MLLT10: variants seen among roughly 807,000 people sequenced by gnomAD.
MLLT10 encodes the protein protein AF-10.
Under a neutral mutation model 129.1 loss-of-function variants are expected in MLLT10, and 30 were observed. The ratio of observed to expected loss-of-function variants is 0.23; its 90% CI spans 0.17 to 0.32. MLLT10 has a LOEUF of 0.32. Among genes scored for constraint, MLLT10 ranks in the 10% least tolerant of loss-of-function variants. The probability of loss-of-function intolerance (pLI) is 1.00; values close to 1 mark genes in which losing one functional copy is unlikely to be tolerated. For missense variants in MLLT10, 1,119 were observed against 1,268.3 expected (o/e 0.88, Z 1.79); for synonymous variants, 490 against 446.4 (o/e 1.10, Z -1.23).
Position 21,625,314 on chromosome 10 carries a change from G to T in MLLT10, c.699+8107G>T, listed in dbSNP as rs890088494. ...TCATCCATAGCCATAACAGCTGCTC[G>T]TCTGTCTTCAGAATGAACAAATGCA... On this transcript the variant is annotated intron_variant, in intron 8 of 22. Coordinates refer to ENST00000307729, the MANE Select transcript of MLLT10 (RefSeq NM_001195626.3). 35 of 795,742 alleles carry T rather than the reference G, an allele frequency of 4.4e-5. No individual in the cohort carries two copies. The Admixed American group carries it at 6.6e-4, about 15-fold the overall frequency. The allele number at this position is 795,742 out of a possible 1,614,324, so 49.3% of individuals were successfully genotyped here.
chr10:21,739,520 CATTT>C (rs2058657744), intron 21 of MLLT10, among the ~76,000 whole-genome samples: 1 of 152,212 alleles, frequency 6.6e-6, no homozygotes, highest in African/African-American at 2.4e-5. Flanking sequence ...CTAACGTTTT[CATTT>C]ATTTCCCTTT....
At chr10:21,625,368 G>A in intron 8 of MLLT10, 1 of 775,178 alleles carries the variant, frequency 1.3e-6, no homozygotes, top group East Asian at 2.5e-5. Context: ...ACTCTTTGGA[G>A]TTCTCCAAAT....
intron 16 of MLLT10, among the ~76,000 whole-genome samples, chr10:21,728,623 C>G (rs1324977431): frequency 6.6e-6 from 1 of 152,050 alleles, no homozygotes; most frequent in Non-Finnish European, 1.5e-5. Flanking sequence ...TCCATGTTCT[C>G]TAATTTAGGA....
chr10:21,559,869 G>C (rs934669134), intron 3 of MLLT10, among the ~76,000 whole-genome samples: 3 of 151,954 alleles, frequency 2.0e-5, no homozygotes, highest in African/African-American at 7.2e-5. Flanking sequence ...TGGAAACTTG[G>C]GTTGTTTCTA....
intron 9 of MLLT10, chr10:21,668,984 A>G (rs1361407030): frequency 1.5e-6 from 2 of 1,367,156 alleles, no homozygotes; most frequent in East Asian, 3.4e-5. Flanking sequence ...TGGAAAAAGT[A>G]TTTGAAAAAT....
intron 3 of MLLT10, among the ~76,000 whole-genome samples, chr10:21,567,665 G>C (rs2039738826): frequency 6.6e-6 from 1 of 152,064 alleles, no homozygotes; most frequent in East Asian, 1.9e-4. Context: ...TGGATATCTA[G>C]GTTCCCCATG....
At chr10:21,592,133 C>T (rs1425789756) in intron 4 of MLLT10, among the ~76,000 whole-genome samples, 1 of 152,122 alleles carries the variant, frequency 6.6e-6, no homozygotes, top group Non-Finnish European at 1.5e-5. Flanking sequence ...ATTCACAAAC[C>T]CTACCAGTGT....
At chr10:21,738,543 G>T in intron 21 of MLLT10, 2 of 1,280,976 alleles carry the variant, frequency 1.6e-6, no homozygotes, top group Non-Finnish European at 2.0e-6. Context: ...TCATTTACAG[G>T]GATCAAACTT....
At chr10:21,689,581 A>C (rs2053635372) in intron 13 of MLLT10, among the ~76,000 whole-genome samples, 1 of 142,706 alleles carries the variant, frequency 7.0e-6, no homozygotes, top group African/African-American at 2.6e-5. Context: ...ATATATATAT[A>C]TATATATAGC....
rs528620610 is a variant in MLLT10 at position 21,550,739 on chromosome 10, C to A, written c.240+11827C>A. On this transcript the variant is annotated intron_variant, in intron 3 of 22. Coordinates refer to ENST00000307729, the MANE Select transcript of MLLT10 (RefSeq NM_001195626.3). ...TAGAGACGGGGGTTTCACATGTTGC[C>A]CAGGCTGGTCTCAAACTTCTGACTT... 1.1e-4 allele frequency among the ~76,000 whole-genome samples: 16 copies of A among 151,816 alleles called. No homozygotes were observed. In the East Asian group the frequency reaches 3.1e-3, roughly 30 times the overall value.
chr10:21,577,312 A>G (rs2040871779), intron 3 of MLLT10, among the ~76,000 whole-genome samples: 1 of 152,210 alleles, frequency 6.6e-6, no homozygotes, highest in Non-Finnish European at 1.5e-5. Context: ...GTTATGAATA[A>G]CGTTATTATG....
intron 8 of MLLT10, among the ~76,000 whole-genome samples, chr10:21,635,100 C>A (rs1037799986): frequency 6.6e-6 from 1 of 152,138 alleles, no homozygotes; most frequent in African/African-American, 2.4e-5. Flanking sequence ...TTACTGTGTA[C>A]CCCATGCGCT....
chr10:21,548,234 A>T (rs1366800576), intron 3 of MLLT10, among the ~76,000 whole-genome samples: 1 of 151,960 alleles, frequency 6.6e-6, no homozygotes, highest in Admixed American at 6.6e-5. Flanking sequence ...GTGTCCTTCC[A>T]TTTTTTATTT....
chr10:21,718,736 T>G (rs1343126623), intron 14 of MLLT10, among the ~76,000 whole-genome samples: 1 of 152,242 alleles, frequency 6.6e-6, no homozygotes, highest in Admixed American at 6.5e-5. Flanking sequence ...TTGTTTGTTT[T>G]TTTGAGACGG....
intron 8 of MLLT10, among the ~76,000 whole-genome samples, chr10:21,620,062 T>C (rs1218301706): frequency 1.3e-5 from 2 of 151,948 alleles, no homozygotes; most frequent in African/African-American, 4.8e-5. Context: ...CTTGAGTAGC[T>C]GGGATTACAG....
intron 3 of MLLT10, among the ~76,000 whole-genome samples, chr10:21,585,825 G>A (rs999400923): frequency 1.9e-4 from 29 of 152,244 alleles, no homozygotes; most frequent in African/African-American, 7.0e-4. Flanking sequence ...GCAATGGCGC[G>A]ATCTTGGCTC....
intron 3 of MLLT10, among the ~76,000 whole-genome samples, chr10:21,554,974 A>G (rs1348711963): frequency 6.6e-6 from 1 of 151,254 alleles, no homozygotes; most frequent in Non-Finnish European, 1.5e-5. Flanking sequence ...GGCGCACGCC[A>G]CCATGCCCAG....
At chr10:21,540,655 C>T (rs981704301) in intron 3 of MLLT10, among the ~76,000 whole-genome samples, 3 of 152,078 alleles carry the variant, frequency 2.0e-5, no homozygotes, top group African/African-American at 7.2e-5. Context: ...TTATGCAAAC[C>T]TACCATTTAA....
At chr10:21,602,733 CT>C (rs879807408) in intron 5 of MLLT10, among the ~76,000 whole-genome samples, 277 of 144,390 alleles carry the variant, frequency 1.9e-3, no homozygotes, top group Middle Eastern at 7.2e-3. Flanking sequence ...TATCTAAACT[CT>C]TTTTTTTTTT....
Sources: allele counts gnomAD v4.1 joint callset (sites outside exome capture counted in the v4.1 genomes callset), GRCh38; gene constraint gnomAD v4.1.1; transcripts MANE v1.5; gene names NCBI Gene and HGNC (gene_info 2026-07-23, HGNC 2026-07-21).